Variants in MALRD1 observed in about 807,000 individuals in gnomAD.
The protein encoded by MALRD1 is MAM and LDL-receptor class A domain-containing protein 1.
In MALRD1, 247 loss-of-function variants were observed where a neutral mutation model predicts 242.1. That is an observed-to-expected ratio of 1.02 (90% CI 0.92 to 1.13). The LOEUF is 1.13. Among genes scored for constraint, MALRD1 ranks in the 50% most tolerant of loss-of-function variants. MALRD1 has a pLI of 0.00. For synonymous variants in MALRD1, 995 were observed against 866.6 expected, an observed-to-expected ratio of 1.15 and a Z score of -2.60; for missense variants, 2,989 against 2,533.1, an observed-to-expected ratio of 1.18 and a Z score of -3.86.
At chr10:19,171,461 C>T (rs1316725346) in intron 13 of MALRD1, among the ~76,000 whole-genome samples, 17 of 129,068 alleles carry the variant, frequency 1.3e-4, no homozygotes, top group East Asian at 5.3e-4. Context: ...TATATATACA[C>T]ACATGTATAT....
intron 34 of MALRD1, among the ~76,000 whole-genome samples, chr10:19,606,014 C>T (rs1402592639): frequency 3.3e-5 from 5 of 152,054 alleles, no homozygotes; most frequent in African/African-American, 1.2e-4. Context: ...TCAGAGTCAG[C>T]GTTTTCAGTC....
intron 18 of MALRD1, among the ~76,000 whole-genome samples, chr10:19,239,337 A>T (rs1473467315): frequency 6.6e-6 from 1 of 151,980 alleles, no homozygotes; most frequent in African/African-American, 2.4e-5. Flanking sequence ...CCCATTTTTA[A>T]ATAAGTTATT....
chr10:19,396,579 A>G (rs1042222150), intron 28 of MALRD1, among the ~76,000 whole-genome samples: 2 of 152,266 alleles, frequency 1.3e-5, no homozygotes, highest in Non-Finnish European at 2.9e-5. Context: ...TATGTTGAAT[A>G]ATCAGGATTA....
intron 1 of MALRD1, 89 bp downstream of exon 1, chr10:19,049,226 C>A: frequency 2.8e-6 from 3 of 1,063,518 alleles, no homozygotes; most frequent in Non-Finnish European, 3.6e-6. Context: ...TGGCTAGATA[C>A]TTGGCTCTGT....
chr10:19,235,074 G>T (rs1838252036), intron 18 of MALRD1, among the ~76,000 whole-genome samples: 1 of 152,164 alleles, frequency 6.6e-6, no homozygotes, highest in South Asian at 2.1e-4. Flanking sequence ...GCCAGATCAA[G>T]GATATCTCAG....
At chr10:19,366,798 T>C (rs1235349531) in intron 26 of MALRD1, among the ~76,000 whole-genome samples, 1 of 152,106 alleles carries the variant, frequency 6.6e-6, no homozygotes, top group African/African-American at 2.4e-5. Context: ...TGTCTTACTT[T>C]ATAAGAAATA....
intron 26 of MALRD1, among the ~76,000 whole-genome samples, chr10:19,378,024 C>G (rs1031832363): frequency 6.6e-6 from 1 of 152,056 alleles, no homozygotes; most frequent in African/African-American, 2.4e-5. Flanking sequence ...GATTTTAAAA[C>G]ATAATTGGAT....
intron 18 of MALRD1, among the ~76,000 whole-genome samples, chr10:19,249,370 T>C (rs966004222): frequency 1.3e-4 from 19 of 151,670 alleles, no homozygotes; most frequent in Non-Finnish European, 2.9e-5. Flanking sequence ...GCAGTTTAGA[T>C]AGTAGTGTGA....
At chr10:19,707,133 C>T (rs945573208) in intron 38 of MALRD1, among the ~76,000 whole-genome samples, 1 of 150,732 alleles carries the variant, frequency 6.6e-6, no homozygotes, top group African/African-American at 2.4e-5. Context: ...CTTTCTTCTT[C>T]TTCCTTCTCC....
rs914808919 is a variant in MALRD1, at chr10:19,324,035, C to T, written c.3506C>T (p.Ser1169Leu). Residue 1169 changes from serine to leucine, a missense_variant, in exon 22 of 40, where the codon TCA (serine) becomes TTA (leucine). Coordinates refer to ENST00000454679, the MANE Select transcript of MALRD1 (RefSeq NM_001142308.3). Reference protein sequence around the residue: ...DTADILTPIISLTGPKCTLVF... With the variant: ...DTADILTPIILLTGPKCTLVF... The stretch of plus-strand genomic sequence containing the variant: ...GCTGACATTCTCACTCCTATCATTT[C>T]ACTCACGGGACCAAAATGTACCTTG... The T allele has an allele frequency of 1.9e-6, 3 of 1,550,716 alleles. No homozygotes were observed. The highest frequency in any genetic ancestry group is 2.6e-6 in the Non-Finnish European group (3 of 1,146,886).
In MALRD1 at chr10:19,331,444, T is replaced by C. The variant is rs1843365420; in HGVS notation, c.3763T>C (p.Ser1255Pro). ...GGATGATATTTCCTTCCAAGATTGC[T>C]CCCCTTTGCTTAGCCCAGAGAGAAA... is the stretch of plus-strand genomic sequence containing the variant. ...AVDDISFQDCSPLLSPERKCT... is the reference protein window; with the variant it reads ...AVDDISFQDCPPLLSPERKCT... The change falls in exon 24 of 40, where the codon TCC becomes CCC. Residue 1255 changes from serine to proline, a missense_variant. Coordinates refer to ENST00000454679, the MANE Select transcript of MALRD1 (RefSeq NM_001142308.3). 1 of 1,550,552 alleles carries C rather than the reference T, an allele frequency of 6.4e-7. No individual in the cohort carries two copies. Among genetic ancestry groups the C allele is most frequent in the Non-Finnish European group, 8.7e-7 (1 of 1,146,864 alleles).
chr10:19,448,182 C>T (rs11009995), intron 28 of MALRD1, among the ~76,000 whole-genome samples: 42,130 of 151,634 alleles, frequency 0.28, 6,540 homozygotes, highest in East Asian at 0.46. Flanking sequence ...TCAGACATTC[C>T]TTTTTTTTCC....
At chr10:19,690,953 T>C (rs1223250661) in intron 36 of MALRD1, among the ~76,000 whole-genome samples, 1 of 152,050 alleles carries the variant, frequency 6.6e-6, no homozygotes, top group African/African-American at 2.4e-5. Flanking sequence ...AGTGTACTAT[T>C]TGTCTAAGAT....
At chr10:19,668,559 T>C (rs1489915293) in intron 36 of MALRD1, among the ~76,000 whole-genome samples, 2 of 152,116 alleles carry the variant, frequency 1.3e-5, no homozygotes, top group Admixed American at 6.5e-5. Context: ...CAGATTCTGA[T>C]AGAAAAATAT....
intron 36 of MALRD1, among the ~76,000 whole-genome samples, chr10:19,639,381 G>A (rs78870972): frequency 0.029 from 4,356 of 152,180 alleles, 197 homozygotes; most frequent in African/African-American, 0.089. Flanking sequence ...CTCTTCGATC[G>A]CCACAAGAAT....
At chr10:19,205,510 A>G (rs1836744496) in intron 17 of MALRD1, among the ~76,000 whole-genome samples, 1 of 151,832 alleles carries the variant, frequency 6.6e-6, no homozygotes, top group East Asian at 1.9e-4. Flanking sequence ...GCCCTTGCGG[A>G]GCTTACAATC....
intron 28 of MALRD1, among the ~76,000 whole-genome samples, chr10:19,395,204 C>T (rs908155420): frequency 6.6e-6 from 1 of 152,146 alleles, no homozygotes; most frequent in Non-Finnish European, 1.5e-5. Flanking sequence ...TGAGACAGAT[C>T]TCAGTCAATT....
rs187153162 is a variant in MALRD1, at chr10:19,095,180, G to T, written c.597+6995G>T. On this transcript the variant is annotated intron_variant, in intron 4 of 39. Transcript: ENST00000454679. ...TCAATTTTACGTTCGATTCTTTTGA[G>T]TGCCTAAGAGGAAAAGAATGGCTAA... Among the ~76,000 whole-genome samples the T allele has an allele frequency of 6.1e-4, 93 of 152,248 alleles. 4 individuals carry two copies. In the East Asian group the frequency reaches 0.016, roughly 26 times the overall value.
chr10:19,544,199 T>G (rs1267497848), intron 32 of MALRD1, among the ~76,000 whole-genome samples: 2 of 152,072 alleles, frequency 1.3e-5, no homozygotes, highest in African/African-American at 4.8e-5. Flanking sequence ...GTTTTTGGTT[T>G]TTTTTTTTAG....
Sources: allele counts gnomAD v4.1 joint callset (sites outside exome capture counted in the v4.1 genomes callset), GRCh38; gene constraint gnomAD v4.1.1; transcripts MANE v1.5; gene names NCBI Gene and HGNC (gene_info 2026-07-23, HGNC 2026-07-21).